Variants in CD226 observed in about 807,000 individuals in gnomAD.
The protein encoded by CD226 is CD226 antigen.
Under a neutral mutation model 34.9 loss-of-function variants are expected in CD226, and 24 were observed. The observed-to-expected ratio is 0.69, with a 90% CI of 0.50 to 0.97. The LOEUF (loss-of-function observed/expected upper bound fraction) is 0.97. Among genes scored for constraint, CD226 ranks in the 50% least tolerant of loss-of-function variants. The probability of loss-of-function intolerance (pLI) is 0.00; values close to 1 mark genes in which losing one functional copy is unlikely to be tolerated. For missense variants in CD226, 397 were observed against 412.7 expected (o/e 0.96, Z 0.33); for synonymous variants, 148 against 147.4 (o/e 1.00, Z -0.03).
At chr18:69,900,157 A>G (rs965557395) in intron 2 of CD226, among the ~76,000 whole-genome samples, 2 of 152,236 alleles carry the variant, frequency 1.3e-5, no homozygotes, top group Admixed American at 1.3e-4. Flanking sequence ...GGAGGCTATT[A>G]TCCTCAGTAA....
At chr18:69,878,639 G>A (rs563768783) in intron 3 of CD226, among the ~76,000 whole-genome samples, 1 of 152,230 alleles carries the variant, frequency 6.6e-6, no homozygotes, top group East Asian at 1.9e-4. Context: ...CTAACATCAA[G>A]CGTTAGGCTG....
chr18:69,941,013 C>T (rs2055717791), intron 2 of CD226, among the ~76,000 whole-genome samples: 1 of 152,220 alleles, frequency 6.6e-6, no homozygotes. Context: ...GGCCAACATA[C>T]AGCTCAGGCT....
chr18:69,857,500 T>C lies in CD226; in HGVS notation c.*6814A>G, dbSNP rs1982646370. The C allele has an allele frequency of 6.6e-6, 1 of 152,248 alleles. No homozygotes were observed. The highest frequency in any genetic ancestry group is 2.4e-5 in the African/African-American group (1 of 41,470). The allele number at this position is 152,248 out of a possible 1,614,324, so 9.4% of individuals were successfully genotyped here. The stretch of plus-strand genomic sequence containing the variant: ...CTTAGTCACTGTAAGTACTTTTGGA[T>C]ACCTGGCATAAAGGATGTAATGAAT... On this transcript the variant is annotated 3_prime_UTR_variant, in exon 6 of 6. Coordinates refer to ENST00000582621, the MANE Select transcript of CD226 (RefSeq NM_001303618.2).
chr18:69,898,951 T>C (rs994375197), intron 2 of CD226, among the ~76,000 whole-genome samples: 2 of 152,208 alleles, frequency 1.3e-5, no homozygotes, highest in African/African-American at 4.8e-5. Flanking sequence ...AGAAAAAAAT[T>C]TGATTTCAAT....
intron 2 of CD226, among the ~76,000 whole-genome samples, chr18:69,900,555 A>AC (rs1188540718): frequency 1.3e-5 from 2 of 151,466 alleles, no homozygotes; most frequent in East Asian, 3.9e-4. Context: ...ACAAGGTGAA[A>AC]CCCCGTCTCT....
In CD226 at chr18:69,946,981, T is replaced by A. The variant is rs372569915; in HGVS notation, c.135A>T (p.Leu45Phe). 3 of 1,614,044 alleles carry A rather than the reference T, an allele frequency of 1.9e-6. No homozygotes were observed. In the African/African-American group the frequency reaches 4.0e-5, roughly 22 times the overall value. Residue 45 changes from leucine (L) to phenylalanine (F), a missense_variant, in exon 2 of 6, where the codon TTA becomes TTT. Leu to Phe is a conservative substitution (Grantham distance 22). Coordinates refer to ENST00000582621, the MANE Select transcript of CD226 (RefSeq NM_001303618.2). ...LECVYPSMGI[L>F]TQVEWFKIGT... ...CGATCTTGAACCACTCCACCTGTGT[T>A]AAGATGCCCATTGATGGATACACAC... is the stretch of plus-strand genomic sequence containing the variant.
chr18:69,937,226 G>A (rs1568203044), intron 2 of CD226, among the ~76,000 whole-genome samples: 1 of 152,118 alleles, frequency 6.6e-6, no homozygotes, highest in Non-Finnish European at 1.5e-5. Context: ...TCTATGTGTT[G>A]GTTCAATTTT....
At position 69,854,798 on chromosome 18, in the gene CD226, C is replaced by G. The variant is rs1790605; in HGVS notation, c.*9516G>C. The G allele has an allele frequency of 1.3e-5, 2 of 152,176 alleles. No homozygotes were observed. Among genetic ancestry groups the G allele is most frequent in the African/African-American group, 4.8e-5 (2 of 41,374 alleles). 9.4% of individuals were successfully genotyped at this position (152,176 alleles called of 1,614,324 possible). A position where few individuals can be genotyped will look rare whatever the true frequency, so the allele number is the denominator to read the frequency against. On this transcript the variant is annotated 3_prime_UTR_variant, in exon 6 of 6. Coordinates refer to ENST00000582621, the MANE Select transcript of CD226 (RefSeq NM_001303618.2). ...AGACTGAGATTTCACTGTAAGATTA[C>G]AGAGCACTCTCCTTTCCCACAGCTT... is the stretch of plus-strand genomic sequence containing the variant.
intron 2 of CD226, among the ~76,000 whole-genome samples, chr18:69,907,983 T>C (rs1188001721): frequency 6.6e-6 from 1 of 152,218 alleles, no homozygotes; most frequent in African/African-American, 2.4e-5. Flanking sequence ...GAATTATAAA[T>C]TGTCAAATTA....
chr18:69,890,504 C>T (rs1435770496), intron 3 of CD226, among the ~76,000 whole-genome samples: 4 of 151,880 alleles, frequency 2.6e-5, no homozygotes, highest in Admixed American at 1.3e-4. Flanking sequence ...ATAAGTCACT[C>T]GAGGGTAGCA....
At chr18:69,961,768 A>G (rs2145395293), upstream of CD226, 1 of 152,368 alleles carries the variant, frequency 6.6e-6, no homozygotes, top group East Asian at 1.9e-4. Context: ...GGCCCGGGTA[A>G]GTGCTAAGTT....
intron 2 of CD226, among the ~76,000 whole-genome samples, chr18:69,929,985 G>A (rs975484034): frequency 8.5e-5 from 13 of 152,136 alleles, no homozygotes; most frequent in African/African-American, 3.1e-4. Context: ...AGGTGATCAA[G>A]AATGAAGGAG....
chr18:69,889,252 G>A lies in CD226; in HGVS notation c.727+6449C>T, dbSNP rs116773697. ...TATTTTAGCTTGTGAGCAGTGACAC[G>A]GTGCTCTGGGATTCTGGTCGTGTTG... On this transcript the variant is annotated intron_variant, in intron 3 of 5. Coordinates refer to ENST00000582621, the MANE Select transcript of CD226 (RefSeq NM_001303618.2). Among the ~76,000 whole-genome samples the A allele has an allele frequency of 7.3e-3, 1,112 of 151,688 alleles. 11 individuals are homozygous for A. The highest frequency in any genetic ancestry group is 0.026 in the African/African-American group (1,054 of 41,328).
intron 2 of CD226, among the ~76,000 whole-genome samples, chr18:69,927,083 T>G (rs1227356729): frequency 6.6e-6 from 1 of 152,168 alleles, no homozygotes; most frequent in Non-Finnish European, 1.5e-5. Flanking sequence ...ATGGTGCTTT[T>G]GGGGACATCA....
At chr18:69,927,612 A>G (rs1275095169) in intron 2 of CD226, among the ~76,000 whole-genome samples, 2 of 152,050 alleles carry the variant, frequency 1.3e-5, no homozygotes, top group East Asian at 1.9e-4. Flanking sequence ...TGTACCTCAT[A>G]TAAGTGGAAT....
intron 3 of CD226, among the ~76,000 whole-genome samples, chr18:69,891,778 C>T (rs1984918537): frequency 6.6e-6 from 1 of 152,152 alleles, no homozygotes; most frequent in Admixed American, 6.5e-5. Flanking sequence ...ATAAACTTAA[C>T]CAAAAATGTT....
At chr18:69,890,692 G>T (rs560302854) in intron 3 of CD226, among the ~76,000 whole-genome samples, 55 of 152,196 alleles carry the variant, frequency 3.6e-4, no homozygotes, top group Non-Finnish European at 7.1e-4. Flanking sequence ...AGGAAAGTGT[G>T]AGTGTTTTGA....
At chr18:69,943,185 T>C (rs1031603040) in intron 2 of CD226, among the ~76,000 whole-genome samples, 1 of 152,200 alleles carries the variant, frequency 6.6e-6, no homozygotes, top group Non-Finnish European at 1.5e-5. Flanking sequence ...CGCAGTTGCA[T>C]CCTACAGAGC....
chr18:69,904,508 C>T (rs1290115801), intron 2 of CD226, among the ~76,000 whole-genome samples: 1 of 152,174 alleles, frequency 6.6e-6, no homozygotes, highest in Admixed American at 6.5e-5. Context: ...GAAAGGTAAC[C>T]GTGGGTCCCC....
Sources: allele counts gnomAD v4.1 joint callset (sites outside exome capture counted in the v4.1 genomes callset), GRCh38; gene constraint gnomAD v4.1.1; transcripts MANE v1.5; gene names NCBI Gene and HGNC (gene_info 2026-07-23, HGNC 2026-07-21).